Variants in RGS6 observed in about 807,000 individuals in gnomAD.
The protein encoded by RGS6 is regulator of G-protein signaling 6.
A neutral mutation model predicts 78.5 loss-of-function variants in RGS6; 30 were observed. The ratio of observed to expected loss-of-function variants is 0.38; its 90% CI spans 0.29 to 0.52. The LOEUF is 0.52. Among genes scored for constraint, RGS6 ranks in the 20% least tolerant of loss-of-function variants. RGS6 has a pLI of 0.85. For synonymous variants in RGS6, 206 were observed against 206.0 expected (o/e 1.00, Z 0.00); for missense variants, 495 against 609.7 (o/e 0.81, Z 1.98).
intron 2 of RGS6, among the ~76,000 whole-genome samples, chr14:71,979,894 C>G (rs199703407): frequency 0.23 from 32,456 of 144,042 alleles, 3,861 homozygotes; most frequent in Non-Finnish European, 0.25. Flanking sequence ...GTGTGGGAGT[C>G]TAAGTCTCTT....
intron 2 of RGS6, among the ~76,000 whole-genome samples, chr14:72,081,772 T>A (rs2094834839): frequency 6.6e-6 from 1 of 152,098 alleles, no homozygotes; most frequent in Non-Finnish European, 1.5e-5. Flanking sequence ...CAGCAAAAAC[T>A]TCAAACTGAA....
At chr14:72,114,051 G>C (rs756153615) in intron 2 of RGS6, among the ~76,000 whole-genome samples, 5 of 152,164 alleles carry the variant, frequency 3.3e-5, no homozygotes, top group Non-Finnish European at 7.3e-5. Flanking sequence ...CTTCTACCCA[G>C]AGATAATCAG....
At chr14:72,526,545 A>C (rs1448522645) in intron 15 of RGS6, among the ~76,000 whole-genome samples, 2 of 152,246 alleles carry the variant, frequency 1.3e-5, no homozygotes, top group African/African-American at 2.4e-5. Flanking sequence ...CAGTTAAATT[A>C]AATCTGTTTT....
intron 8 of RGS6, among the ~76,000 whole-genome samples, chr14:72,471,558 C>T (rs1272596394): frequency 2.0e-5 from 3 of 152,136 alleles, no homozygotes; most frequent in East Asian, 1.9e-4. Flanking sequence ...GGCCTGGAGC[C>T]GGGTCTCAGG....
chr14:72,186,984 C>T (rs2097256689), intron 2 of RGS6, among the ~76,000 whole-genome samples: 1 of 152,126 alleles, frequency 6.6e-6, no homozygotes, highest in Admixed American at 6.5e-5. Flanking sequence ...TCAGTTTCTC[C>T]CTGAATGGAA....
At chr14:72,090,450 G>A (rs189895390) in intron 2 of RGS6, among the ~76,000 whole-genome samples, 1 of 152,256 alleles carries the variant, frequency 6.6e-6, no homozygotes, top group East Asian at 1.9e-4. Context: ...CACATGCGAG[G>A]GATCTAGGTT....
Position 72,260,693 on chromosome 14 carries a change from C to T in RGS6, c.85-91402C>T, listed in dbSNP as rs148615921. On this transcript the variant is annotated intron_variant, in intron 2 of 17. Coordinates refer to ENST00000553525, the MANE Select transcript of RGS6 (RefSeq NM_001204424.2). ...CCATGGGAGATTGGCATCTCACTTC[C>T]CACTTGGATGCCTGCGGAGCTCTCT... is the stretch of plus-strand genomic sequence containing the variant. 2.7e-3 allele frequency among the ~76,000 whole-genome samples: 407 copies of T among 152,286 alleles called. 1 individual carries two copies. The highest frequency in any genetic ancestry group is 0.017 in the Middle Eastern group (5 of 294).
chr14:72,424,427 A>G (rs2094344113), intron 3 of RGS6, among the ~76,000 whole-genome samples: 1 of 152,196 alleles, frequency 6.6e-6, no homozygotes, highest in Non-Finnish European at 1.5e-5. Flanking sequence ...CTGTTCTGGA[A>G]TTAATGCGTG....
intron 2 of RGS6, among the ~76,000 whole-genome samples, chr14:72,338,787 C>T (rs558409376): frequency 7.9e-5 from 12 of 152,182 alleles, no homozygotes; most frequent in Non-Finnish European, 1.8e-4. Context: ...AGGTCTATCA[C>T]ATGCTTCTGA....
chr14:71,936,030 A>ATATATATATATATATG (rs1555390437), intron 1 of RGS6, among the ~76,000 whole-genome samples: 15 of 133,220 alleles, frequency 1.1e-4, no homozygotes, highest in African/African-American at 3.7e-4. Flanking sequence ...ATATATATAT[A>ATATATATATATATATG]TATATATATA....
Position 72,208,581 on chromosome 14 carries a change from C to G in RGS6, c.85-143514C>G, listed in dbSNP as rs117151193. Among the ~76,000 whole-genome samples, 200 of 152,222 alleles carry G rather than the reference C, an allele frequency of 1.3e-3. 1 individual carries two copies. The South Asian group carries it at 0.017, about 13-fold the overall frequency. ...AAGGTCTGTGAGGACAGGCCTGGGT[C>G]CTATTTCCCTTTGTATCTCCAGCTT... is the stretch of plus-strand genomic sequence containing the variant. On this transcript the variant is annotated intron_variant, in intron 2 of 17. Transcript: ENST00000553525.
chr14:72,331,959 A>G (rs1380874258), intron 2 of RGS6, among the ~76,000 whole-genome samples: 1 of 152,246 alleles, frequency 6.6e-6, no homozygotes, highest in African/African-American at 2.4e-5. Flanking sequence ...TCAGCCCTGC[A>G]AAGAGTTAAA....
At chr14:72,179,854 G>A (rs1410275116) in intron 2 of RGS6, among the ~76,000 whole-genome samples, 1 of 152,026 alleles carries the variant, frequency 6.6e-6, no homozygotes, top group Non-Finnish European at 1.5e-5. Context: ...TCCTGGAGGT[G>A]GGTCCAGCAA....
chr14:72,311,341 T>A (rs1488885909), intron 2 of RGS6, among the ~76,000 whole-genome samples: 1 of 152,366 alleles, frequency 6.6e-6, no homozygotes, highest in East Asian at 1.9e-4. Context: ...TTACATTTTT[T>A]AAATAACTCA....
At chr14:72,386,631 G>A (rs1184681801) in intron 3 of RGS6, among the ~76,000 whole-genome samples, 1 of 152,148 alleles carries the variant, frequency 6.6e-6, no homozygotes. Context: ...CAAGGCAAGG[G>A]GCAGGAGCTC....
intron 13 of RGS6, among the ~76,000 whole-genome samples, chr14:72,496,937 C>T (rs1304304948): frequency 1.3e-5 from 2 of 152,138 alleles, no homozygotes; most frequent in African/African-American, 4.8e-5. Context: ...CCACCTTACT[C>T]TTTTTAATAG....
At chr14:71,949,263 G>A (rs2091999937) in intron 1 of RGS6, among the ~76,000 whole-genome samples, 2 of 152,072 alleles carry the variant, frequency 1.3e-5, no homozygotes, top group African/African-American at 4.8e-5. Context: ...TTAAGTGGCT[G>A]CACCAATTTA....
At chr14:71,897,667 C>T in the RGS6 span, among the ~76,000 whole-genome samples, 1 of 146,940 alleles carries the variant, frequency 6.8e-6, no homozygotes, top group Non-Finnish European at 1.5e-5. Flanking sequence ...ATTACAGGCG[C>T]CCACCACCAC....
chr14:72,517,011 A>T (rs1219100128), intron 14 of RGS6: 2 of 152,162 alleles, frequency 1.3e-5, no homozygotes, highest in African/African-American at 4.8e-5. Context: ...ACACACACAC[A>T]GTCGTCTTGC....
Sources: allele counts gnomAD v4.1 joint callset (sites outside exome capture counted in the v4.1 genomes callset), GRCh38; gene constraint gnomAD v4.1.1; transcripts MANE v1.5; gene names NCBI Gene and HGNC (gene_info 2026-07-23, HGNC 2026-07-21).